ZFHX3: variants seen among roughly 807,000 people sequenced by gnomAD.
The protein encoded by ZFHX3 is zinc finger homeobox protein 3.
ZFHX3 carries 42 observed loss-of-function variants against 279.1 expected under a neutral mutation model. The ratio of observed to expected loss-of-function variants is 0.15; its 90% CI spans 0.12 to 0.19. The LOEUF is 0.19. Ranked by LOEUF, ZFHX3 falls within the 10% of genes least tolerant of loss-of-function variation. The pLI is 1.00. For synonymous variants in ZFHX3, 2,293 were observed against 1,957.8 expected, an observed-to-expected ratio of 1.17 and a Z score of -4.52; for missense variants, 4,981 against 4,754.0, an observed-to-expected ratio of 1.05 and a Z score of -1.40.
intron 2 of ZFHX3, among the ~76,000 whole-genome samples, chr16:73,486,239 T>C (rs1271101225): frequency 6.6e-6 from 1 of 152,192 alleles, no homozygotes; most frequent in Non-Finnish European, 1.5e-5. Context: ...GTAAATGACT[T>C]TGTAACTTTA....
chr16:73,883,371 T>C (rs1481063273), intron 1 of ZFHX3, among the ~76,000 whole-genome samples: 1 of 151,576 alleles, frequency 6.6e-6, no homozygotes, highest in Non-Finnish European at 1.5e-5. Flanking sequence ...AGCTGGTGCA[T>C]AAACACAGTA....
At chr16:72,812,816 C>T (rs969123269) in intron 5 of ZFHX3, among the ~76,000 whole-genome samples, 4 of 152,096 alleles carry the variant, frequency 2.6e-5, no homozygotes, top group African/African-American at 9.7e-5. Flanking sequence ...GAGGAGTGGC[C>T]CATGAGGATT....
chr16:72,833,013 A>C (rs1199110312), intron 4 of ZFHX3, among the ~76,000 whole-genome samples: 1 of 152,268 alleles, frequency 6.6e-6, no homozygotes, highest in Admixed American at 6.5e-5. Context: ...AGGTAGAGAA[A>C]TGATTAAAAA....
intron 1 of ZFHX3, among the ~76,000 whole-genome samples, chr16:73,706,721 T>C (rs1354386245): frequency 1.3e-5 from 2 of 152,144 alleles, no homozygotes; most frequent in Admixed American, 1.3e-4. Flanking sequence ...AGATGTTTTC[T>C]TTATGAGAAA....
In ZFHX3 at chr16:72,960,183, G is replaced by C. The variant is rs757356882; in HGVS notation, c.-38C>G. On this transcript the variant is annotated 5_prime_UTR_variant, in exon 2 of 10. Transcript: ENST00000268489. ...GTGGAGCTTTCATTGCACCCAGTACGGAGGCTCGGACCTGAAGGGCAGAGG... is the reference window on the plus strand; with the variant it reads ...GTGGAGCTTTCATTGCACCCAGTACCGAGGCTCGGACCTGAAGGGCAGAGG... 5 of 1,513,632 alleles carry C rather than the reference G, an allele frequency of 3.3e-6. No individual in the cohort carries two copies. In the Admixed American group the frequency reaches 6.3e-5, roughly 19 times the overall value. 93.8% of individuals were successfully genotyped at this position (1,513,632 alleles called of 1,614,324 possible). A position where few individuals can be genotyped will look rare whatever the true frequency, so the allele number is the denominator to read the frequency against.
At chr16:72,957,283 T>C (rs1217121304) in intron 2 of ZFHX3, 144 bp downstream of exon 2, 10 of 933,856 alleles carry the variant, frequency 1.1e-5, no homozygotes, top group Middle Eastern at 2.9e-4. Flanking sequence ...TTGAGAATAC[T>C]TGATTGTAAG....
intron 1 of ZFHX3, among the ~76,000 whole-genome samples, chr16:73,053,224 T>C (rs1187735114): frequency 1.3e-5 from 2 of 152,012 alleles, no homozygotes; most frequent in Non-Finnish European, 2.9e-5. Flanking sequence ...GTAGATCACA[T>C]GGAAATAAGA....
intron 2 of ZFHX3, among the ~76,000 whole-genome samples, chr16:72,953,824 C>T (rs963504707): frequency 1.3e-5 from 2 of 152,184 alleles, no homozygotes; most frequent in African/African-American, 4.8e-5. Context: ...TCCTTGGACT[C>T]CCACAGTGTT....
intron 4 of ZFHX3, among the ~76,000 whole-genome samples, chr16:72,842,485 A>G (rs1383386046): frequency 6.6e-6 from 1 of 152,236 alleles, no homozygotes; most frequent in African/African-American, 2.4e-5. Context: ...TAAGGCCAAG[A>G]TTTTAGCAAA....
intron 1 of ZFHX3, among the ~76,000 whole-genome samples, chr16:73,716,935 TA>T (rs1370855573): frequency 6.6e-6 from 1 of 151,582 alleles, no homozygotes; most frequent in East Asian, 1.9e-4. Context: ...AAGGTTGGGG[TA>T]GGGGGAGGTA....
chr16:73,367,519 G>A (rs2016550247), intron 3 of ZFHX3, among the ~76,000 whole-genome samples: 1 of 152,092 alleles, frequency 6.6e-6, no homozygotes, highest in African/African-American at 2.4e-5. Context: ...TTCTGATCCA[G>A]CTTATAGTCC....
chr16:73,229,934 A>T (rs1257182209), intron 5 of ZFHX3, among the ~76,000 whole-genome samples: 1 of 152,240 alleles, frequency 6.6e-6, no homozygotes, highest in Non-Finnish European at 1.5e-5. Context: ...AGGGATTGGT[A>T]ACTGATAAGC....
intron 4 of ZFHX3, among the ~76,000 whole-genome samples, chr16:72,849,905 A>T (rs903040335): frequency 2.2e-5 from 3 of 136,344 alleles, no homozygotes; most frequent in Admixed American, 1.6e-4. Context: ...AAAAAAAAAA[A>T]AATTCACACC....
chr16:73,013,381 T>C (rs1963986585), intron 1 of ZFHX3, among the ~76,000 whole-genome samples: 1 of 152,134 alleles, frequency 6.6e-6, no homozygotes, highest in African/African-American at 2.4e-5. Flanking sequence ...TCTGCCTCCC[T>C]GGCTCAAGCG....
Position 72,950,916 on chromosome 16 carries a change from C to A in ZFHX3, c.2769G>T (p.Val923=). ...LDMRLGGGQL[V]SEELMNLGES... The stretch of plus-strand genomic sequence containing the variant: ...CGCCCAGGTTCATCAGCTCCTCTGA[C>A]ACCAGCTGCCCGCCCCCGAGCCGCA... Residue 923 remains valine, a synonymous_variant, in exon 3 of 10, where the codon GTG becomes GTT. Coordinates refer to ENST00000268489, the MANE Select transcript of ZFHX3 (RefSeq NM_006885.4). 3.1e-6 allele frequency: 5 copies of A among 1,614,066 alleles called. No individual in the cohort carries two copies. Among genetic ancestry groups the A allele is most frequent in the Non-Finnish European group, 4.2e-6 (5 of 1,180,028 alleles).
chr16:73,535,712 TG>T (rs2019888162), intron 2 of ZFHX3, among the ~76,000 whole-genome samples: 1 of 144,226 alleles, frequency 6.9e-6, no homozygotes, highest in African/African-American at 2.6e-5. Flanking sequence ...GGGTTCTATG[TG>T]CCCCCTATCT....
intron 2 of ZFHX3, among the ~76,000 whole-genome samples, chr16:73,533,692 C>T (rs919683474): frequency 8.5e-5 from 13 of 152,108 alleles, no homozygotes; most frequent in Non-Finnish European, 1.5e-5. Context: ...TCCTCTAAAT[C>T]TGCTCATCCC....
chr16:72,813,344 C>T (rs1232974201), intron 5 of ZFHX3, among the ~76,000 whole-genome samples: 1 of 152,140 alleles, frequency 6.6e-6, no homozygotes, highest in Non-Finnish European at 1.5e-5. Context: ...GCATATATTT[C>T]CATTTATGCT....
intron 3 of ZFHX3, among the ~76,000 whole-genome samples, chr16:72,898,158 C>T (rs1241429313): frequency 6.6e-6 from 1 of 152,174 alleles, no homozygotes; most frequent in East Asian, 1.9e-4. Context: ...TCAATGCTGG[C>T]TTTTTATCTG....
Sources: gnomAD v4.1 joint callset for allele counts (sites outside exome capture counted in the v4.1 genomes callset) on GRCh38, gnomAD v4.1.1 for gene constraint, MANE v1.5 for transcripts, NCBI Gene and HGNC (gene_info 2026-07-23, HGNC 2026-07-21) for gene names.